EIF3K: variants seen among roughly 807,000 people sequenced by gnomAD.
EIF3K encodes the protein eIF-3 p28.
EIF3K carries 27 observed loss-of-function variants against 34.2 expected under a neutral mutation model. That is an observed-to-expected ratio of 0.79 (90% CI 0.58 to 1.09). The LOEUF (loss-of-function observed/expected upper bound fraction) is 1.09, where lower values mean the gene tolerates loss of function less well. EIF3K is among the 50% of genes least tolerant of loss of function. EIF3K has a pLI of 0.00. For missense variants in EIF3K, 232 were observed against 275.4 expected (o/e 0.84, Z 1.11); for synonymous variants, 105 against 105.7 (o/e 0.99, Z 0.04).
rs774762055 is a variant in EIF3K at position 38,636,875 on chromosome 19, C to G, written c.626-14C>G. On this transcript the variant is annotated splice_polypyrimidine_tract_variant and intron_variant, in intron 7 of 7. Coordinates refer to ENST00000248342, the MANE Select transcript of EIF3K (RefSeq NM_013234.4). ...GCCCTTCTCACCTTCAGTCTGGTCT[C>G]TCCTTCCCCACAGGTGTGTCCAGCA... 1.2e-6 allele frequency: 2 copies of G among 1,614,184 alleles called. No homozygotes were observed. Among genetic ancestry groups the G allele is most frequent in the Admixed American group, 3.3e-5 (2 of 60,022 alleles).
rs1284667771 is a variant in EIF3K, at chr19:38,619,234, G to T, written c.-35G>T. ...AGGACGCCGTGCCGGGTCAGTGTTA[G>T]CCTCCAGCCCTGGTTGTGGAAGGCG... On this transcript the variant is annotated 5_prime_UTR_variant, in exon 1 of 8. Coordinates refer to ENST00000248342, the MANE Select transcript of EIF3K (RefSeq NM_013234.4). 2.5e-6 allele frequency: 4 copies of T among 1,612,552 alleles called. No homozygotes were observed. The highest frequency in any genetic ancestry group is 1.3e-5 in the African/African-American group (1 of 74,912).
At chr19:38,635,280 C>G in intron 7 of EIF3K, 162 bp downstream of exon 7, 1 of 1,017,470 alleles carries the variant, frequency 9.8e-7, no homozygotes, top group Non-Finnish European at 1.4e-6. Context: ...GGCTCCCGCC[C>G]AGGAGGAATA....
intron 2 of EIF3K, among the ~76,000 whole-genome samples, chr19:38,621,213 A>G (rs1032187984): frequency 6.6e-6 from 1 of 151,578 alleles, no homozygotes; most frequent in Non-Finnish European, 1.5e-5. Flanking sequence ...AAAAAAAAAA[A>G]AAAAGAATTA....
rs549223758 is a variant in EIF3K, at chr19:38,626,316, C to T, written c.354+214C>T. 1,272 of 590,400 alleles carry T rather than the reference C, an allele frequency of 2.2e-3. 3 individuals carry two copies. Among genetic ancestry groups the T allele is most frequent in the Non-Finnish European group, 3.1e-3 (1,031 of 330,268 alleles). The allele number at this position is 590,400 out of a possible 1,614,324, so 36.6% of individuals were successfully genotyped here. On this transcript the variant is annotated intron_variant, in intron 4 of 7. Coordinates refer to ENST00000248342, the MANE Select transcript of EIF3K (RefSeq NM_013234.4). ...GGCTGAGGCCGACCCTTTCCCCTTT[C>T]TCCCATCTTTCCACTGAGCCCTCTA... is the stretch of plus-strand genomic sequence containing the variant.
chr19:38,626,314 T>G (rs1975950717), intron 4 of EIF3K: 4 of 589,106 alleles, frequency 6.8e-6, no homozygotes, highest in Non-Finnish European at 9.1e-6. Flanking sequence ...CCTTTCCCCT[T>G]TCTCCCATCT....
chr19:38,619,411 C>A (rs754352467), intron 1 of EIF3K, 84 bp downstream of exon 1: 5 of 1,490,378 alleles, frequency 3.4e-6, no homozygotes, highest in South Asian at 1.2e-5. Context: ...TGTTCAGGGT[C>A]CTGGGCTTGC....
chr19:38,622,707 G>A (rs1281254459), intron 2 of EIF3K, among the ~76,000 whole-genome samples: 11 of 152,152 alleles, frequency 7.2e-5, no homozygotes, highest in East Asian at 1.9e-4. Context: ...TATGGGAGAC[G>A]AGTTTATTTC....
At chr19:38,621,729 T>C (rs1426599057) in intron 2 of EIF3K, among the ~76,000 whole-genome samples, 1 of 152,210 alleles carries the variant, frequency 6.6e-6, no homozygotes, top group Non-Finnish European at 1.5e-5. Context: ...CATTTGCCAT[T>C]TGCTACTCAG....
At chr19:38,635,204 T>C (rs2144785167) in intron 7 of EIF3K, 86 bp downstream of exon 7, 1 of 1,580,788 alleles carries the variant, frequency 6.3e-7, no homozygotes, top group East Asian at 2.2e-5. Context: ...AGGACCTGGG[T>C]AGATCTGCTC....
At chr19:38,633,370 A>G (rs1296550563) in intron 6 of EIF3K, among the ~76,000 whole-genome samples, 1 of 152,200 alleles carries the variant, frequency 6.6e-6, no homozygotes, top group African/African-American at 2.4e-5. Context: ...TTATTTGCTT[A>G]CTTTTGTAAA....
chr19:38,635,235 T>G, intron 7 of EIF3K, 117 bp downstream of exon 7: 1 of 1,426,372 alleles, frequency 7.0e-7, no homozygotes, highest in East Asian at 2.3e-5. Context: ...CTGGGAAGTC[T>G]GCACCTGCCA....
intron 6 of EIF3K, 103 bp from the exon 7 acceptor site, chr19:38,634,890 G>T: frequency 6.5e-7 from 1 of 1,532,262 alleles, no homozygotes; most frequent in Non-Finnish European, 8.8e-7. Flanking sequence ...GTGGGCAAGG[G>T]GGGCTGCCCT....
At chr19:38,635,160 GT>G in intron 7 of EIF3K, 42 bp downstream of exon 7, 1 of 1,613,504 alleles carries the variant, frequency 6.2e-7, no homozygotes, top group South Asian at 1.1e-5. Flanking sequence ...GGCTAAGGGG[GT>G]GCCCCTCAAG....
intron 4 of EIF3K, chr19:38,632,227 G>C: frequency 1.8e-6 from 1 of 557,582 alleles, no homozygotes; most frequent in Non-Finnish European, 3.2e-6. Context: ...ATCAGCCTGG[G>C]CAATATAGTG....
intron 6 of EIF3K, chr19:38,633,009 T>G (rs552871152): frequency 5.2e-5 from 14 of 270,886 alleles, no homozygotes; most frequent in African/African-American, 8.8e-5. Flanking sequence ...CAGTGGTGAT[T>G]CCTGTCATGA....
chr19:38,622,663 G>A (rs970245282), intron 2 of EIF3K, among the ~76,000 whole-genome samples: 3 of 152,124 alleles, frequency 2.0e-5, no homozygotes, highest in South Asian at 2.1e-4. Flanking sequence ...TTTATTAGGC[G>A]GGAATTTCCT....
At chr19:38,633,873 T>C (rs1358849436) in intron 6 of EIF3K, among the ~76,000 whole-genome samples, 1 of 151,426 alleles carries the variant, frequency 6.6e-6, no homozygotes, top group Non-Finnish European at 1.5e-5. Context: ...TTCGGGAGGC[T>C]GAGGCAGGAG....
chr19:38,634,546 C>T (rs1383185641), intron 6 of EIF3K, among the ~76,000 whole-genome samples: 1 of 151,096 alleles, frequency 6.6e-6, no homozygotes, highest in Non-Finnish European at 1.5e-5. Flanking sequence ...TGCAGTGAGC[C>T]GAGATTGCGC....
intron 7 of EIF3K, among the ~76,000 whole-genome samples, chr19:38,636,578 A>T (rs1176943643): frequency 6.6e-6 from 1 of 152,146 alleles, no homozygotes; most frequent in African/African-American, 2.4e-5. Context: ...TGTTCTAAGC[A>T]CCTCGTTTGG....
Sources: gnomAD v4.1 joint callset for allele counts (sites outside exome capture counted in the v4.1 genomes callset) on GRCh38, gnomAD v4.1.1 for gene constraint, MANE v1.5 for transcripts, NCBI Gene and HGNC (gene_info 2026-07-23, HGNC 2026-07-21) for gene names.